Variants in RCAN2 observed in about 807,000 individuals in gnomAD.
The protein encoded by RCAN2 is regulator of calcineurin 2, also known as calcipressin-2.
In RCAN2, 9 loss-of-function variants were observed where a neutral mutation model predicts 23.6. The ratio of observed to expected loss-of-function variants is 0.38; its 90% CI spans 0.23 to 0.67. The LOEUF is 0.67. Ranked by LOEUF, RCAN2 falls within the 30% of genes least tolerant of loss-of-function variation. The pLI is 0.51. For missense variants in RCAN2, 273 were observed against 302.3 expected (o/e 0.90, Z 0.72); for synonymous variants, 109 against 115.7 (o/e 0.94, Z 0.37).
chr6:46,448,827 T>G (rs886667186), intron 2 of RCAN2, among the ~76,000 whole-genome samples: 3 of 151,858 alleles, frequency 2.0e-5, no homozygotes, highest in Admixed American at 2.0e-4. Flanking sequence ...AGGAATGTAC[T>G]TCAATATAAC....
intron 2 of RCAN2, among the ~76,000 whole-genome samples, chr6:46,428,715 G>A (rs1767104477): frequency 1.3e-5 from 2 of 152,098 alleles, no homozygotes. Context: ...TGTACCTGAT[G>A]TCCCAGAACT....
At chr6:46,411,925 G>A (rs529164753) in intron 2 of RCAN2, among the ~76,000 whole-genome samples, 2 of 152,338 alleles carry the variant, frequency 1.3e-5, no homozygotes, top group African/African-American at 4.8e-5. Context: ...GATGGGAAGT[G>A]ATTGGAGGGC....
intron 2 of RCAN2, among the ~76,000 whole-genome samples, chr6:46,356,970 G>C (rs1764851308): frequency 6.6e-6 from 1 of 152,222 alleles, no homozygotes. Context: ...TTTACTTTCT[G>C]AAGCCAGTCT....
At chr6:46,491,066 G>A (rs1582243947) in intron 1 of RCAN2, 107 bp downstream of exon 1, 1 of 149,814 alleles carries the variant, frequency 6.7e-6, no homozygotes, top group East Asian at 2.0e-4. Flanking sequence ...ACCCGGCCCG[G>A]AGACCAGATC....
chr6:46,389,018 A>C (rs1454421850), intron 2 of RCAN2, among the ~76,000 whole-genome samples: 1 of 152,218 alleles, frequency 6.6e-6, no homozygotes, highest in Non-Finnish European at 1.5e-5. Flanking sequence ...TAAATAAGTC[A>C]AAAGTTTTCT....
intron 4 of RCAN2, among the ~76,000 whole-genome samples, 186 bp downstream of exon 4, chr6:46,246,562 T>C (rs1241498739): frequency 6.6e-6 from 1 of 152,184 alleles, no homozygotes; most frequent in African/African-American, 2.4e-5. Flanking sequence ...GAGTTGCTTT[T>C]TGAACGGGTG....
intron 2 of RCAN2, among the ~76,000 whole-genome samples, chr6:46,254,057 C>T (rs918490325): frequency 1.3e-5 from 2 of 152,238 alleles, no homozygotes; most frequent in African/African-American, 4.8e-5. Context: ...CATGACTGTA[C>T]TGCTAGCACA....
intron 2 of RCAN2, among the ~76,000 whole-genome samples, chr6:46,249,231 CA>C (rs1373218531): frequency 6.6e-6 from 1 of 151,522 alleles, no homozygotes; most frequent in Non-Finnish European, 1.5e-5. Context: ...TCATTATCTC[CA>C]AAATACTGGA....
intron 2 of RCAN2, among the ~76,000 whole-genome samples, chr6:46,381,229 T>C (rs566564262): frequency 2.6e-5 from 4 of 152,346 alleles, no homozygotes; most frequent in African/African-American, 9.6e-5. Context: ...TGGACTTCTG[T>C]GCTATGAATG....
intron 2 of RCAN2, among the ~76,000 whole-genome samples, chr6:46,380,079 G>A (rs1765579010): frequency 6.6e-6 from 1 of 152,136 alleles, no homozygotes; most frequent in Admixed American, 6.5e-5. Context: ...TGTTGGCTAG[G>A]TTAGCACAAA....
chr6:46,294,974 A>T (rs1421242815), intron 2 of RCAN2, among the ~76,000 whole-genome samples: 1 of 152,138 alleles, frequency 6.6e-6, no homozygotes, highest in Non-Finnish European at 1.5e-5. Context: ...ATGTAAGGGC[A>T]GCTGCAGTAA....
chr6:46,470,914 C>T (rs1021999748), intron 1 of RCAN2, among the ~76,000 whole-genome samples: 2 of 152,206 alleles, frequency 1.3e-5, no homozygotes, highest in Admixed American at 1.3e-4. Context: ...GTGAATTCAC[C>T]TCTCCTCATT....
intron 1 of RCAN2, among the ~76,000 whole-genome samples, chr6:46,476,451 A>G (rs1385415571): frequency 6.6e-6 from 1 of 152,238 alleles, no homozygotes; most frequent in Non-Finnish European, 1.5e-5. Flanking sequence ...ATACTTCATG[A>G]GTGCTTGTTA....
At chr6:46,320,140 AAGAGCTTT>A (rs1213118895) in intron 2 of RCAN2, among the ~76,000 whole-genome samples, 1 of 152,196 alleles carries the variant, frequency 6.6e-6, no homozygotes, top group Non-Finnish European at 1.5e-5. Context: ...AAAATTCTTA[AAGAGCTTT>A]AGAGCTCTGC....
chr6:46,293,571 A>T (rs1762632798), intron 2 of RCAN2, among the ~76,000 whole-genome samples: 1 of 152,326 alleles, frequency 6.6e-6, no homozygotes, highest in South Asian at 2.1e-4. Context: ...TAAACTTCCA[A>T]GGGCAAATGC....
rs1350763907 is a variant in RCAN2 at position 46,347,341 on chromosome 6, A to G, written c.226-98445T>C. ...GGACACATGTAATGTACATCAGGTCATGCATCAAGTTAGTGATAAAATGAA... is the reference window on the plus strand; with the variant it reads ...GGACACATGTAATGTACATCAGGTCGTGCATCAAGTTAGTGATAAAATGAA... On this transcript the variant is annotated intron_variant, in intron 2 of 4. Transcript: ENST00000371374. Among the ~76,000 whole-genome samples, 8 of 152,328 alleles carry G rather than the reference A, an allele frequency of 5.3e-5. No individual in the cohort carries two copies. The East Asian group carries it at 1.2e-3, about 22-fold the overall frequency.
At chr6:46,253,628 C>T (rs1766805872) in intron 2 of RCAN2, among the ~76,000 whole-genome samples, 2 of 152,170 alleles carry the variant, frequency 1.3e-5, no homozygotes, top group Non-Finnish European at 2.9e-5. Flanking sequence ...AAGGACATTT[C>T]TAAGTAAAAT....
chr6:46,233,718 C>T (rs2799352), intron 4 of RCAN2, among the ~76,000 whole-genome samples: 142,348 of 148,998 alleles, frequency 0.96, 68,014 homozygotes, highest in East Asian at 1. Context: ...ATGAAGAACA[C>T]TTCTTTTTTT....
intron 2 of RCAN2, among the ~76,000 whole-genome samples, chr6:46,255,586 TGTGATGGATGACAGG>T (rs1167629281): frequency 6.6e-6 from 1 of 152,000 alleles, no homozygotes; most frequent in Non-Finnish European, 1.5e-5. Context: ...TGAATGGAAT[TGTGATGGATGACAGG>T]GTGAGGATGA....
Sources: gnomAD v4.1 joint callset for allele counts (sites outside exome capture counted in the v4.1 genomes callset) on GRCh38, gnomAD v4.1.1 for gene constraint, MANE v1.5 for transcripts, NCBI Gene and HGNC (gene_info 2026-07-23, HGNC 2026-07-21) for gene names.